The following SEL1L2 variants were observed in gnomAD, a reference collection of about 807,000 sequenced individuals.
SEL1L2 encodes the protein SEL1L2 adaptor subunit of SYVN1 ubiquitin ligase.
SEL1L2 carries 89 observed loss-of-function variants against 98.8 expected under a neutral mutation model. That is an observed-to-expected ratio of 0.90 (90% confidence interval 0.76 to 1.07). The LOEUF is 1.07. Among genes scored for constraint, SEL1L2 ranks in the 50% least tolerant of loss-of-function variants. The probability of loss-of-function intolerance (pLI) is 0.00; values close to 1 mark genes in which losing one functional copy is unlikely to be tolerated. For synonymous variants in SEL1L2, 262 were observed against 278.5 expected (o/e 0.94, Z 0.59); for missense variants, 788 against 812.0 (o/e 0.97, Z 0.36).
intron 11 of SEL1L2, among the ~76,000 whole-genome samples, chr20:13,876,477 A>G (rs1420406442): frequency 7.4e-6 from 1 of 135,774 alleles, no homozygotes; most frequent in African/African-American, 2.8e-5. Flanking sequence ...ATTCGTCCCT[A>G]TGGTTACTAA....
intron 2 of SEL1L2, among the ~76,000 whole-genome samples, chr20:13,943,877 G>A (rs1230881450): frequency 6.6e-6 from 1 of 152,154 alleles, no homozygotes; most frequent in Non-Finnish European, 1.5e-5. Flanking sequence ...GGGTGTGCAT[G>A]CTGATTGGTC....
At chr20:13,951,010 C>T (rs916018281) in intron 2 of SEL1L2, among the ~76,000 whole-genome samples, 1 of 152,072 alleles carries the variant, frequency 6.6e-6, no homozygotes, top group Non-Finnish European at 1.5e-5. Context: ...GGCGCGGTGG[C>T]TCACACCTGT....
chr20:13,921,070 A>C (rs2048645764), intron 3 of SEL1L2, among the ~76,000 whole-genome samples: 1 of 152,192 alleles, frequency 6.6e-6, no homozygotes, highest in African/African-American at 2.4e-5. Flanking sequence ...TAAATTTTGA[A>C]AGATTGGCTC....
chr20:13,933,741 AAGAG>A (rs1236950633), intron 2 of SEL1L2, among the ~76,000 whole-genome samples: 1 of 152,126 alleles, frequency 6.6e-6, no homozygotes, highest in African/African-American at 2.4e-5. Context: ...AGCAGACAGA[AAGAG>A]AAAGAGCCTG....
chr20:13,926,129 T>G (rs1047137678), intron 3 of SEL1L2, among the ~76,000 whole-genome samples: 31 of 152,124 alleles, frequency 2.0e-4, no homozygotes, highest in African/African-American at 7.5e-4. Flanking sequence ...CCATCCTGGC[T>G]AGTACGGTGA....
At chr20:13,871,660 C>G (rs376754056) in intron 12 of SEL1L2, among the ~76,000 whole-genome samples, 1 of 110,916 alleles carries the variant, frequency 9.0e-6, no homozygotes, top group African/African-American at 3.5e-5. Context: ...TACAGGTGCA[C>G]GCCACCATGC....
At position 13,860,753 on chromosome 20, in the gene SEL1L2, C is replaced by T. The variant is rs1212240645; in HGVS notation, c.1646-1319G>A. The stretch of plus-strand genomic sequence containing the variant: ...TGGGTGACCTTGTTTCGTTCCATTG[C>T]CTGTCTTTATTAACTATTTCTAAAT... On this transcript the variant is annotated intron_variant, in intron 17 of 19. Transcript: ENST00000284951. 3.9e-5 allele frequency among the ~76,000 whole-genome samples: 6 copies of T among 152,038 alleles called. No individual in the cohort carries two copies. The East Asian group carries it at 9.6e-4, about 24-fold the overall frequency.
chr20:13,964,374 C>G (rs2050931706), intron 1 of SEL1L2, among the ~76,000 whole-genome samples: 1 of 151,624 alleles, frequency 6.6e-6, no homozygotes, highest in Admixed American at 6.6e-5. Context: ...CACCCCACCC[C>G]CAAATGCAAC....
At chr20:13,943,667 C>CA (rs986487141) in intron 2 of SEL1L2, among the ~76,000 whole-genome samples, 6 of 152,004 alleles carry the variant, frequency 3.9e-5, no homozygotes, top group Admixed American at 1.3e-4. Context: ...GAGAACTATA[C>CA]AAAAAAGTAA....
chr20:13,855,600 C>A (rs919376157), intron 18 of SEL1L2, among the ~76,000 whole-genome samples: 4 of 152,172 alleles, frequency 2.6e-5, no homozygotes, highest in Non-Finnish European at 5.9e-5. Flanking sequence ...CATTCCAAAG[C>A]GTATGTTCCT....
chr20:13,967,971 T>C (rs1414933169), intron 1 of SEL1L2, among the ~76,000 whole-genome samples: 2 of 152,160 alleles, frequency 1.3e-5, no homozygotes, highest in Admixed American at 6.5e-5. Context: ...TACAAATACA[T>C]TTTGATGTAT....
intron 9 of SEL1L2, among the ~76,000 whole-genome samples, chr20:13,885,899 G>A (rs2046928222): frequency 6.6e-6 from 1 of 152,046 alleles, no homozygotes; most frequent in Admixed American, 6.6e-5. Context: ...GCCAGGCGTG[G>A]TGGTGTGGGC....
intron 1 of SEL1L2, among the ~76,000 whole-genome samples, chr20:13,978,522 A>G (rs1251365681): frequency 1.3e-5 from 2 of 152,184 alleles, no homozygotes; most frequent in South Asian, 2.1e-4. Context: ...TCAAAAAACT[A>G]AAAATAGAAT....
At chr20:13,917,743 T>C (rs2048465344) in intron 4 of SEL1L2, among the ~76,000 whole-genome samples, 1 of 150,994 alleles carries the variant, frequency 6.6e-6, no homozygotes, top group South Asian at 2.1e-4. Flanking sequence ...AGATGTCTCC[T>C]TGTTGGGGGC....
intron 3 of SEL1L2, among the ~76,000 whole-genome samples, chr20:13,929,306 T>G (rs1275525608): frequency 1.3e-5 from 2 of 152,016 alleles, no homozygotes; most frequent in African/African-American, 4.8e-5. Flanking sequence ...CTACACTGAC[T>G]TAGTACTTTT....
chr20:13,915,374 G>A lies in SEL1L2; in HGVS notation c.387-1430C>T, dbSNP rs369236597. ...TTCTGGAGGCGGGAAGGCAAACAAG[G>A]CAGATGGTCTCAAGGTCACTAAAGG... On this transcript the variant is annotated intron_variant, in intron 4 of 19. Coordinates refer to ENST00000284951, the MANE Select transcript of SEL1L2 (RefSeq NM_025229.2). 13 of 561,532 alleles carry A rather than the reference G, an allele frequency of 2.3e-5. No individual in the cohort carries two copies. The East Asian group carries it at 8.9e-4, about 39-fold the overall frequency. 34.8% of individuals were successfully genotyped at this position (561,532 alleles called of 1,614,324 possible). A position where few individuals can be genotyped will look rare whatever the true frequency, so the allele number is the denominator to read the frequency against.
chr20:13,994,371 T>C (rs77852348), upstream of SEL1L2, among the ~76,000 whole-genome samples: 663 of 151,382 alleles, frequency 4.4e-3, 3 homozygotes, highest in Middle Eastern at 0.02. Flanking sequence ...TATGAGAGTG[T>C]CCTACTACTA....
intron 1 of SEL1L2, among the ~76,000 whole-genome samples, chr20:13,985,165 T>C (rs370686894): frequency 1.9e-4 from 29 of 152,212 alleles, no homozygotes; most frequent in African/African-American, 6.5e-4. Context: ...TAAGGCATAA[T>C]TCTATTCATG....
chr20:13,923,544 G>C (rs1261326808), intron 3 of SEL1L2, among the ~76,000 whole-genome samples: 1 of 152,094 alleles, frequency 6.6e-6, no homozygotes, highest in African/African-American at 2.4e-5. Context: ...CCAGGTGGGT[G>C]AATCACTTGA....
Sources: allele counts gnomAD v4.1 joint callset (sites outside exome capture counted in the v4.1 genomes callset), GRCh38; gene constraint gnomAD v4.1.1; transcripts MANE v1.5; gene names NCBI Gene and HGNC (gene_info 2026-07-23, HGNC 2026-07-21).